Variants in TRPC4AP observed in about 807,000 individuals in gnomAD.
TRPC4AP encodes the protein short transient receptor potential channel 4-associated protein.
A neutral mutation model predicts 99.0 loss-of-function variants in TRPC4AP; 45 were observed. The ratio of observed to expected loss-of-function variants is 0.45; its 90% CI spans 0.36 to 0.58. TRPC4AP has a LOEUF of 0.58. Ranked by LOEUF, TRPC4AP falls within the 20% of genes least tolerant of loss-of-function variation. TRPC4AP has a pLI of 0.00. For synonymous variants in TRPC4AP, 408 were observed against 385.8 expected (o/e 1.06, Z -0.67); for missense variants, 879 against 985.3 (o/e 0.89, Z 1.44).
intron 17 of TRPC4AP, among the ~76,000 whole-genome samples, 186 bp downstream of exon 17, chr20:35,004,272 G>C (rs140212889): frequency 6.6e-6 from 1 of 152,180 alleles, no homozygotes; most frequent in Non-Finnish European, 1.5e-5. Flanking sequence ...GGGCACTTGC[G>C]AGCCCTCCTT....
chr20:35,057,092 G>C lies in TRPC4AP; in HGVS notation c.472+422C>G, dbSNP rs546046349. ...TATCTACCACCCAGCTTAAGAAATA[G>C]TGCATACCAAAACACTCTGACTTTT... On this transcript the variant is annotated intron_variant, in intron 4 of 18. Coordinates refer to ENST00000252015, the MANE Select transcript of TRPC4AP (RefSeq NM_015638.3). Among the ~76,000 whole-genome samples, 20 of 151,042 alleles carry C rather than the reference G, an allele frequency of 1.3e-4. 1 individual carries two copies. In the South Asian group the frequency reaches 2.7e-3, roughly 21 times the overall value.
intron 6 of TRPC4AP, among the ~76,000 whole-genome samples, chr20:35,045,577 C>T (rs1174791555): frequency 2.0e-5 from 3 of 151,994 alleles, no homozygotes; most frequent in South Asian, 2.1e-4. Context: ...ATCTCATTGT[C>T]GCCCAGGCTG....
intron 3 of TRPC4AP, among the ~76,000 whole-genome samples, chr20:35,065,299 GC>G (rs966789786): frequency 9.9e-5 from 15 of 152,188 alleles, no homozygotes; most frequent in African/African-American, 3.6e-4. Flanking sequence ...ATAAAAGCAG[GC>G]ACACACTCTC....
At chr20:35,058,285 TGAACACAAC>T (rs1388033653) in intron 3 of TRPC4AP, among the ~76,000 whole-genome samples, 1 of 152,192 alleles carries the variant, frequency 6.6e-6, no homozygotes, top group Non-Finnish European at 1.5e-5. Context: ...ATAGAAGACT[TGAACACAAC>T]GAACACATAT....
intron 7 of TRPC4AP, among the ~76,000 whole-genome samples, chr20:35,037,717 G>T (rs1428532798): frequency 6.6e-6 from 1 of 152,184 alleles, no homozygotes; most frequent in African/African-American, 2.4e-5. Flanking sequence ...CGCTGTTGCG[G>T]TCAACAACGA....
chr20:35,052,087 GTTT>G (rs1321539020), intron 5 of TRPC4AP, among the ~76,000 whole-genome samples: 1 of 146,300 alleles, frequency 6.8e-6, no homozygotes, highest in Non-Finnish European at 1.5e-5. Context: ...TTCATCATAG[GTTT>G]TTTTTTGGTT....
intron 1 of TRPC4AP, among the ~76,000 whole-genome samples, chr20:35,089,632 T>G (rs956582185): frequency 6.6e-6 from 1 of 152,092 alleles, no homozygotes. Context: ...AGGGGGATCA[T>G]GACGTCAGGA....
chr20:35,037,888 G>A (rs897159156), intron 7 of TRPC4AP, among the ~76,000 whole-genome samples: 1 of 152,048 alleles, frequency 6.6e-6, no homozygotes, highest in Non-Finnish European at 1.5e-5. Flanking sequence ...TGTATCATGG[G>A]CTATACCAGC....
intron 3 of TRPC4AP, among the ~76,000 whole-genome samples, chr20:35,068,971 AC>A (rs1440678454): frequency 1.7e-4 from 11 of 64,644 alleles, no homozygotes; most frequent in African/African-American, 8.4e-4. Flanking sequence ...ACACACACAC[AC>A]ACACACAAAA....
intron 8 of TRPC4AP, among the ~76,000 whole-genome samples, chr20:35,029,676 C>T (rs1363889764): frequency 3.1e-5 from 4 of 130,304 alleles, no homozygotes; most frequent in African/African-American, 8.5e-5. Context: ...CGCTCTGTCA[C>T]CCAGGCTGGA....
At chr20:35,063,222 C>T (rs2084053533) in intron 3 of TRPC4AP, among the ~76,000 whole-genome samples, 1 of 152,212 alleles carries the variant, frequency 6.6e-6, no homozygotes, top group Non-Finnish European at 1.5e-5. Context: ...TGCCTTCTGC[C>T]ATGATTGTGA....
intron 16 of TRPC4AP, among the ~76,000 whole-genome samples, chr20:35,005,014 A>C (rs1012248457): frequency 6.6e-6 from 1 of 152,226 alleles, no homozygotes; most frequent in Non-Finnish European, 1.5e-5. Context: ...TGCTGAGACC[A>C]CAAGGCACAG....
chr20:35,023,208 C>T (rs146567484), intron 8 of TRPC4AP, among the ~76,000 whole-genome samples: 14 of 152,198 alleles, frequency 9.2e-5, no homozygotes, highest in Non-Finnish European at 1.8e-4. Context: ...GGGTTTGAAC[C>T]CCATTCACTA....
At chr20:35,011,120 C>CCA (rs2082625976) in intron 11 of TRPC4AP, among the ~76,000 whole-genome samples, 1 of 152,056 alleles carries the variant, frequency 6.6e-6, no homozygotes, top group African/African-American at 2.4e-5. Flanking sequence ...ATTAGCTGGG[C>CCA]GTGGTGGCAC....
chr20:35,074,566 G>A (rs143556936), intron 2 of TRPC4AP, among the ~76,000 whole-genome samples: 6,710 of 152,230 alleles, frequency 0.044, 489 homozygotes, highest in African/African-American at 0.15. Flanking sequence ...CAGTTTCCAC[G>A]TAGTTGAGTG....
At chr20:35,060,660 C>T (rs1439199385) in intron 3 of TRPC4AP, among the ~76,000 whole-genome samples, 1 of 149,456 alleles carries the variant, frequency 6.7e-6, no homozygotes. Context: ...GAATTTATCC[C>T]AGGAATGTAA....
intron 3 of TRPC4AP, among the ~76,000 whole-genome samples, chr20:35,062,812 A>AT (rs1257124018): frequency 6.6e-6 from 1 of 152,238 alleles, no homozygotes; most frequent in Non-Finnish European, 1.5e-5. Context: ...AAACTGAATT[A>AT]TATCTTTTAA....
chr20:35,070,155 C>T (rs1176167859), intron 2 of TRPC4AP, among the ~76,000 whole-genome samples: 3 of 152,130 alleles, frequency 2.0e-5, no homozygotes, highest in Non-Finnish European at 2.9e-5. Flanking sequence ...TACCACCCTA[C>T]CCAACAGCAC....
chr20:35,074,365 G>C (rs1448808539), intron 2 of TRPC4AP, among the ~76,000 whole-genome samples: 1 of 152,106 alleles, frequency 6.6e-6, no homozygotes, highest in Non-Finnish European at 1.5e-5. Flanking sequence ...TGATGTTAGG[G>C]TGTCAATTTT....
Sources: allele counts gnomAD v4.1 joint callset (sites outside exome capture counted in the v4.1 genomes callset), GRCh38; gene constraint gnomAD v4.1.1; transcripts MANE v1.5; gene names NCBI Gene and HGNC (gene_info 2026-07-23, HGNC 2026-07-21).